Variants in ACSBG2 observed in about 807,000 individuals in gnomAD.
ACSBG2 encodes the protein acyl-CoA synthetase bubblegum family member 2.
ACSBG2 carries 62 observed loss-of-function variants against 74.7 expected under a neutral mutation model. The observed-to-expected ratio is 0.83, with a 90% CI of 0.68 to 1.03. ACSBG2 has a LOEUF of 1.03. ACSBG2 is among the 50% of genes least tolerant of loss of function. The probability of loss-of-function intolerance (pLI) is 0.00; values close to 1 mark genes in which losing one functional copy is unlikely to be tolerated. For missense variants in ACSBG2, 730 were observed against 817.6 expected (o/e 0.89, Z 1.31); for synonymous variants, 309 against 294.1 (o/e 1.05, Z -0.52).
At position 6,185,580 on chromosome 19, in the gene ACSBG2, A is replaced by C. The variant is rs778473950; in HGVS notation, c.1467A>C (p.Glu489Asp). The change falls in exon 11 of 15, where the codon GAA becomes GAC. Residue 489 changes from glutamate (E) to aspartate (D), a missense_variant. Coordinates refer to ENST00000588485, the MANE Select transcript of ACSBG2 (RefSeq NM_030924.5). ...AAACTACAGAGGCCATCGATGATGA[A>C]GGCTGGCTACACTCTGGGGATCTGG... ...ETETTEAIDDEGWLHSGDLGQ... is the reference protein window; with the variant it reads ...ETETTEAIDDDGWLHSGDLGQ... The C allele has an allele frequency of 2.5e-6, 4 of 1,614,188 alleles. No homozygotes were observed. The highest frequency in any genetic ancestry group is 2.2e-5 in the East Asian group (1 of 44,876).
At chr19:6,190,337 C>A in intron 13 of ACSBG2, 1 of 467,846 alleles carries the variant, frequency 2.1e-6, no homozygotes, top group Admixed American at 3.3e-5. Context: ...GTGCACAGTC[C>A]ACATCAGGCA....
chr19:6,140,715 C>A (rs149344007), intron 1 of ACSBG2, among the ~76,000 whole-genome samples: 1 of 152,094 alleles, frequency 6.6e-6, no homozygotes, highest in African/African-American at 2.4e-5. Flanking sequence ...TAAGTGTTTT[C>A]GAAAGAGGTG....
chr19:6,179,441 A>AG (rs1386772622), intron 8 of ACSBG2, among the ~76,000 whole-genome samples: 4 of 152,004 alleles, frequency 2.6e-5, no homozygotes, highest in African/African-American at 9.7e-5. Flanking sequence ...CCAGAACTAC[A>AG]GGCATGTGCC....
intron 7 of ACSBG2, among the ~76,000 whole-genome samples, chr19:6,171,399 C>T (rs963919588): frequency 5.9e-5 from 9 of 151,934 alleles, no homozygotes; most frequent in African/African-American, 1.5e-4. Flanking sequence ...CATTTCTTTT[C>T]GGGCTGATCT....
intron 13 of ACSBG2, 22 bp from the exon 14 acceptor site, chr19:6,190,562 T>C (rs2090533973): frequency 6.2e-7 from 1 of 1,607,974 alleles, no homozygotes; most frequent in Non-Finnish European, 8.5e-7. Context: ...CACAACTCAA[T>C]TGATTTCTCC....
At position 6,177,361 on chromosome 19, in the gene ACSBG2, G is replaced by A. The variant is rs2090115232; in HGVS notation, c.871G>A (p.Ala291Thr). Residue 291 changes from alanine (A) to threonine (T), a missense_variant, in exon 8 of 15, where the codon GCG (alanine) becomes ACG (threonine). Coordinates refer to ENST00000588485, the MANE Select transcript of ACSBG2 (RefSeq NM_030924.5). ...MDIWVPIKIG[A>T]LTYFAQADAL... The stretch of plus-strand genomic sequence containing the variant: ...CATCTGGGTACCCATAAAGATTGGG[G>A]CGCTCACATACTTTGCTCAAGCAGA... The A allele has an allele frequency of 6.2e-7, 1 of 1,609,840 alleles. No homozygotes were observed. The highest frequency in any genetic ancestry group is 1.3e-5 in the African/African-American group (1 of 74,722).
chr19:6,163,771 TA>T (rs1393284608), intron 6 of ACSBG2, among the ~76,000 whole-genome samples: 1 of 27,438 alleles, frequency 3.6e-5, no homozygotes, highest in African/African-American at 1.5e-4. Context: ...AACAAATAAA[TA>T]AAATAAAATA....
intron 10 of ACSBG2, among the ~76,000 whole-genome samples, chr19:6,184,076 A>C (rs142995407): frequency 1.1e-4 from 16 of 152,318 alleles, no homozygotes; most frequent in African/African-American, 3.4e-4. Flanking sequence ...GATTACAGGC[A>C]TGAACCACCA....
chr19:6,163,767 TAAATA>T (rs1345095217), intron 6 of ACSBG2, among the ~76,000 whole-genome samples: 4 of 34,034 alleles, frequency 1.2e-4, no homozygotes, highest in African/African-American at 2.4e-4. Context: ...AATAAACAAA[TAAATA>T]AAATAAAATA....
At chr19:6,183,975 A>C (rs545536111) in intron 10 of ACSBG2, among the ~76,000 whole-genome samples, 61 of 152,070 alleles carry the variant, frequency 4.0e-4, no homozygotes, top group Middle Eastern at 3.4e-3. Context: ...ATTCTGTAAA[A>C]GTTTTTTTGT....
Position 6,147,643 on chromosome 19 carries a change from G to A in ACSBG2, c.265G>A (p.Ala89Thr). ...TCTGAATTTCAACCAGTACTATGAGGCTTGTCGGAAGGCTGCAAAATCCTT... is the reference window on the plus strand; with the variant it reads ...TCTGAATTTCAACCAGTACTATGAGACTTGTCGGAAGGCTGCAAAATCCTT... ...EILNFNQYYE[A>T]CRKAAKSLIK... The change falls in exon 3 of 15, where the codon GCT becomes ACT. Residue 89 changes from alanine to threonine, a missense_variant. Physicochemically the swap from Ala to Thr is moderately conservative, Grantham distance 58 (BLOSUM62 0). Transcript: ENST00000588485. The A allele has an allele frequency of 6.2e-7, 1 of 1,614,202 alleles. No homozygotes were observed. Among genetic ancestry groups the A allele is most frequent in the Admixed American group, 1.7e-5 (1 of 60,014 alleles).
Position 6,147,467 on chromosome 19 carries a change from C to A in ACSBG2, c.89C>A (p.Thr30Asn), listed in dbSNP as rs765103941. 6.2e-7 allele frequency: 1 copy of A among 1,614,178 alleles called. No homozygotes were observed. The highest frequency in any genetic ancestry group is 2.2e-5 in the East Asian group (1 of 44,888). ...GCAGTTACTCCCAGGCTGTGGACCA[C>A]CTGTCGAGATGGAGAAGTCCTTCTG... ...KTEVTPRLWT[T>N]CRDGEVLLRL... Residue 30 changes from threonine (T) to asparagine (N), a missense_variant, in exon 3 of 15, where the codon ACC becomes AAC. By Grantham distance (65) the Thr-to-Asn change is moderately conservative (BLOSUM62 0). Coordinates refer to ENST00000588485, the MANE Select transcript of ACSBG2 (RefSeq NM_030924.5).
rs150813390 is a variant in ACSBG2, at chr19:6,144,123, G to C, written c.67+2513G>C. On this transcript the variant is annotated intron_variant, in intron 2 of 14. Coordinates refer to ENST00000588485, the MANE Select transcript of ACSBG2 (RefSeq NM_030924.5). ...AGCGATTCTCCTGCCTCAGCCTCCA[G>C]AGTAGCTGGGACAACAGGCGCGTGC... 2.1e-3 allele frequency among the ~76,000 whole-genome samples: 313 copies of C among 152,234 alleles called. 2 individuals are homozygous for C. Among genetic ancestry groups the C allele is most frequent in the African/African-American group, 7.0e-3 (292 of 41,548 alleles).
chr19:6,185,299 C>T (rs1000436964), intron 10 of ACSBG2, 137 bp from the exon 11 acceptor site: 2 of 810,402 alleles, frequency 2.5e-6, no homozygotes, highest in Non-Finnish European at 4.1e-6. Context: ...GCAAACACCT[C>T]CTTCTGTGCG....
intron 8 of ACSBG2, among the ~76,000 whole-genome samples, chr19:6,178,329 G>A (rs560475404): frequency 6.6e-6 from 1 of 152,034 alleles, no homozygotes; most frequent in African/African-American, 2.4e-5. Context: ...CATCTGATCT[G>A]TCACATGCTT....
At chr19:6,166,120 C>T in intron 7 of ACSBG2, 105 bp downstream of exon 7, 6 of 1,417,784 alleles carry the variant, frequency 4.2e-6, no homozygotes, top group Non-Finnish European at 5.8e-6. Flanking sequence ...CAGTGTGGCT[C>T]CTTCACCATT....
chr19:6,178,860 A>G (rs540478722), intron 8 of ACSBG2, among the ~76,000 whole-genome samples: 1 of 152,326 alleles, frequency 6.6e-6, no homozygotes, highest in East Asian at 1.9e-4. Context: ...AAAAAACAAG[A>G]AAGGACACAC....
chr19:6,183,323 AG>A (rs762072076), intron 10 of ACSBG2, 51 bp downstream of exon 10: 1 of 1,541,096 alleles, frequency 6.5e-7, no homozygotes. Context: ...TGGGGTCAAG[AG>A]GGGGAAGGTG....
chr19:6,181,813 G>GCGC (rs1271991609), intron 8 of ACSBG2, among the ~76,000 whole-genome samples: 1 of 54,418 alleles, frequency 1.8e-5, no homozygotes, highest in Non-Finnish European at 3.4e-5. Context: ...GTCCCCACCC[G>GCGC]CCCCCCCCCC....
Sources: gnomAD v4.1 joint callset for allele counts (sites outside exome capture counted in the v4.1 genomes callset) on GRCh38, gnomAD v4.1.1 for gene constraint, MANE v1.5 for transcripts, NCBI Gene and HGNC (gene_info 2026-07-23, HGNC 2026-07-21) for gene names.